GRM8: variants seen among roughly 807,000 people sequenced by gnomAD.
The protein encoded by GRM8 is glutamate metabotropic receptor 8.
GRM8 carries 47 observed loss-of-function variants against 87.2 expected under a neutral mutation model. The observed-to-expected ratio is 0.54, with a 90% confidence interval of 0.43 to 0.69. GRM8 has a LOEUF of 0.69. Among genes scored for constraint, GRM8 ranks in the 30% least tolerant of loss-of-function variants. The probability of loss-of-function intolerance (pLI) is 0.00; values close to 1 mark genes in which losing one functional copy is unlikely to be tolerated. For synonymous variants in GRM8, 396 were observed against 404.5 expected, an observed-to-expected ratio of 0.98 and a Z score of 0.25; for missense variants, 1,019 against 1,139.2, an observed-to-expected ratio of 0.89 and a Z score of 1.52.
At position 127,025,995 on chromosome 7, in the gene GRM8, T is replaced by C. The variant is rs372636269; in HGVS notation, c.727+80501A>G. On this transcript the variant is annotated intron_variant, in intron 3 of 10. Transcript: ENST00000339582. ...TAGGTATTTCTCCTAATGTTATCCCTCCCCCAGCCCCCTGCCCCCTGACAG... is the reference window on the plus strand; with the variant it reads ...TAGGTATTTCTCCTAATGTTATCCCCCCCCCAGCCCCCTGCCCCCTGACAG... 6.5e-4 allele frequency among the ~76,000 whole-genome samples: 99 copies of C among 152,094 alleles called. No homozygotes were observed. In the East Asian group the frequency reaches 0.014, roughly 22 times the overall value.
At chr7:127,022,061 G>C (rs910435667) in intron 3 of GRM8, among the ~76,000 whole-genome samples, 8 of 152,048 alleles carry the variant, frequency 5.3e-5, no homozygotes, top group African/African-American at 1.7e-4. Flanking sequence ...TTCTGGCTAG[G>C]AACTAGCTGG....
chr7:126,673,725 T>G (rs1806641350), intron 7 of GRM8, among the ~76,000 whole-genome samples: 1 of 152,192 alleles, frequency 6.6e-6, no homozygotes, highest in Non-Finnish European at 1.5e-5. Flanking sequence ...TTTTGAGTGT[T>G]TTAATCCCTC....
At chr7:127,219,322 A>C (rs1796770676) in intron 2 of GRM8, 1 of 152,210 alleles carries the variant, frequency 6.6e-6, no homozygotes, top group Non-Finnish European at 1.5e-5. Context: ...ATAGTAAAGA[A>C]CTTTTGTCTT....
intron 9 of GRM8, 150 bp from the exon 10 acceptor site, chr7:126,446,522 C>G: frequency 1.7e-6 from 1 of 598,218 alleles, no homozygotes. Context: ...TTATAGTCAA[C>G]CATTCCTGTG....
intron 3 of GRM8, among the ~76,000 whole-genome samples, chr7:126,928,619 C>T (rs1055887549): frequency 2.7e-5 from 4 of 150,600 alleles, no homozygotes; most frequent in Admixed American, 2.0e-4. Context: ...CTGCAGTGAG[C>T]CAAGGTCATG....
intron 8 of GRM8, among the ~76,000 whole-genome samples, chr7:126,599,976 C>T (rs56265359): frequency 0.33 from 49,901 of 151,876 alleles, 8,851 homozygotes; most frequent in South Asian, 0.44. Flanking sequence ...GGTGGATGGA[C>T]GAATGGATGC....
intron 8 of GRM8, among the ~76,000 whole-genome samples, chr7:126,604,952 T>A (rs1339863188): frequency 6.6e-6 from 1 of 152,222 alleles, no homozygotes; most frequent in Non-Finnish European, 1.5e-5. Context: ...CTATTCTTTG[T>A]TATTTATCAT....
At chr7:126,864,014 C>G (rs1474849734) in intron 6 of GRM8, among the ~76,000 whole-genome samples, 1 of 137,818 alleles carries the variant, frequency 7.3e-6, no homozygotes, top group South Asian at 2.3e-4. Flanking sequence ...GGTTAACTTA[C>G]TTTATCTTGC....
At chr7:126,913,264 T>C (rs1005907244) in intron 3 of GRM8, among the ~76,000 whole-genome samples, 1 of 152,214 alleles carries the variant, frequency 6.6e-6, no homozygotes, top group Non-Finnish European at 1.5e-5. Flanking sequence ...TGGTTCACAA[T>C]TTCCATCAAA....
chr7:126,662,292 A>G (rs1805263810), intron 7 of GRM8, among the ~76,000 whole-genome samples: 1 of 152,234 alleles, frequency 6.6e-6, no homozygotes, highest in African/African-American at 2.4e-5. Context: ...GGGAGTGTGA[A>G]AATGAAAGAA....
intron 2 of GRM8, among the ~76,000 whole-genome samples, chr7:127,177,046 A>AG (rs1794149740): frequency 6.6e-6 from 1 of 152,176 alleles, no homozygotes; most frequent in African/African-American, 2.4e-5. Context: ...CAGACTCCAC[A>AG]GGCAGGGGAA....
intron 3 of GRM8, among the ~76,000 whole-genome samples, chr7:127,080,169 G>C (rs776098233): frequency 7.9e-5 from 12 of 152,126 alleles, no homozygotes; most frequent in Non-Finnish European, 1.8e-4. Flanking sequence ...GGAGGCAGAG[G>C]AGTCATAAAT....
chr7:126,984,353 TG>T (rs1292025837), intron 3 of GRM8, among the ~76,000 whole-genome samples: 5 of 152,178 alleles, frequency 3.3e-5, no homozygotes, highest in Non-Finnish European at 7.3e-5. Context: ...GTGAGGATGT[TG>T]CCAAAGGAGA....
At chr7:126,487,774 G>A (rs139448311) in intron 9 of GRM8, among the ~76,000 whole-genome samples, 4 of 151,966 alleles carry the variant, frequency 2.6e-5, no homozygotes, top group African/African-American at 7.2e-5. Context: ...ATTTAAGAAC[G>A]GAAATGCTAT....
intron 6 of GRM8, among the ~76,000 whole-genome samples, chr7:126,804,987 C>G (rs1792511829): frequency 6.6e-6 from 1 of 152,112 alleles, no homozygotes; most frequent in South Asian, 2.1e-4. Flanking sequence ...TCTTACCACT[C>G]AATATTCTCC....
At chr7:127,216,434 C>A (rs1209019259) in intron 2 of GRM8, among the ~76,000 whole-genome samples, 1 of 146,036 alleles carries the variant, frequency 6.8e-6, no homozygotes, top group Middle Eastern at 3.6e-3. Flanking sequence ...AGGAGAATTT[C>A]TTGAACCCAG....
rs769783149 is a variant in GRM8 at position 126,446,319 on chromosome 7, T to C, written c.2484A>G (p.Val828=). Residue 828 remains valine, a synonymous_variant, in exon 10 of 11, where the codon GTA becomes GTG. Coordinates refer to ENST00000339582, the MANE Select transcript of GRM8 (RefSeq NM_000845.3). ...TGGGCATATAGAGCATGCCCAGAGA[T>C]ACTGAAGCACTTAAACTCATGGAGA... The part of the protein sequence containing the change: ...LTVSMSLSAS[V]SLGMLYMPKV... 6.2e-6 allele frequency: 10 copies of C among 1,610,600 alleles called. No individual in the cohort carries two copies. In the Admixed American group the frequency reaches 1.7e-4, roughly 27 times the overall value.
chr7:127,179,878 A>C (rs1370740373), intron 2 of GRM8, among the ~76,000 whole-genome samples: 1 of 152,124 alleles, frequency 6.6e-6, no homozygotes, highest in Non-Finnish European at 1.5e-5. Context: ...CATAACCCTA[A>C]GCACCTATAT....
chr7:126,769,095 C>T (rs922011837), intron 7 of GRM8, among the ~76,000 whole-genome samples: 8 of 151,878 alleles, frequency 5.3e-5, no homozygotes, highest in Admixed American at 3.3e-4. Flanking sequence ...TAAAGCCAAA[C>T]CAAAAGTATT....
Sources: gnomAD v4.1 joint callset for allele counts (sites outside exome capture counted in the v4.1 genomes callset) on GRCh38, gnomAD v4.1.1 for gene constraint, MANE v1.5 for transcripts, NCBI Gene and HGNC (gene_info 2026-07-23, HGNC 2026-07-21) for gene names.